The following SPICE1 variants were observed in gnomAD, a reference collection of about 807,000 sequenced individuals.
SPICE1 encodes spindle and centriole-associated protein 1.
Under a neutral mutation model 102.7 loss-of-function variants are expected in SPICE1, and 75 were observed. That is an observed-to-expected ratio of 0.73 (90% confidence interval 0.61 to 0.88). The LOEUF is 0.88. Among genes scored for constraint, SPICE1 ranks in the 40% least tolerant of loss-of-function variants. The pLI is 0.00. For synonymous variants in SPICE1, 308 were observed against 350.3 expected, an observed-to-expected ratio of 0.88 and a Z score of 1.35; for missense variants, 979 against 1,020.1, an observed-to-expected ratio of 0.96 and a Z score of 0.55.
chr3:113,497,774 C>A (rs1229993878), intron 4 of SPICE1, among the ~76,000 whole-genome samples: 1 of 140,604 alleles, frequency 7.1e-6, no homozygotes, highest in Non-Finnish European at 1.5e-5. Flanking sequence ...TGCAGTGGCA[C>A]AATCTCAGCT....
At chr3:113,509,707 G>A (rs1036078297) in intron 1 of SPICE1, among the ~76,000 whole-genome samples, 21 of 152,182 alleles carry the variant, frequency 1.4e-4, no homozygotes, top group Admixed American at 9.8e-4. Flanking sequence ...TGCTGATATG[G>A]TTTGGCTGAG....
intron 4 of SPICE1, among the ~76,000 whole-genome samples, chr3:113,497,157 A>G (rs1274842551): frequency 6.6e-6 from 1 of 152,194 alleles, no homozygotes; most frequent in Non-Finnish European, 1.5e-5. Context: ...AGTAGCATGC[A>G]CTGTTCTTCC....
At chr3:113,493,877 TGGAAA>T (rs1397513147) in intron 5 of SPICE1, among the ~76,000 whole-genome samples, 167 bp downstream of exon 5, 3 of 152,194 alleles carry the variant, frequency 2.0e-5, no homozygotes, top group Non-Finnish European at 2.9e-5. Context: ...ATATTCTTAG[TGGAAA>T]GGAAACAGAT....
At chr3:113,500,918 T>C (rs748372968) in intron 3 of SPICE1, among the ~76,000 whole-genome samples, 7 of 152,148 alleles carry the variant, frequency 4.6e-5, no homozygotes, top group Non-Finnish European at 8.8e-5. Flanking sequence ...ACAAATGATA[T>C]ACATTAGATG....
intron 11 of SPICE1, among the ~76,000 whole-genome samples, chr3:113,462,296 T>G (rs549699130): frequency 1.6e-4 from 24 of 152,224 alleles, no homozygotes; most frequent in Non-Finnish European, 1.9e-4. Context: ...CTGAGGCACC[T>G]CAGGGCACTA....
In SPICE1 at chr3:113,458,553, G is replaced by A. The variant is rs185982271; in HGVS notation, c.1436-1196C>T. On this transcript the variant is annotated intron_variant, in intron 12 of 17. Transcript: ENST00000295872. ...GGCTGGAGTGCAGTGGCGTGATTTC[G>A]GCTCGCTACAACCTCCACCTCCCAG... Among the ~76,000 whole-genome samples, 1,283 of 152,202 alleles carry A rather than the reference G, an allele frequency of 8.4e-3. 22 individuals are homozygous for A. The highest frequency in any genetic ancestry group is 0.029 in the African/African-American group (1,200 of 41,526).
At chr3:113,466,853 C>G (rs1936069985) in intron 10 of SPICE1, among the ~76,000 whole-genome samples, 1 of 152,164 alleles carries the variant, frequency 6.6e-6, no homozygotes, top group South Asian at 2.1e-4. Flanking sequence ...TCGAGACCAG[C>G]CTGGGCAACA....
Position 113,460,735 on chromosome 3 carries a change from T to G in SPICE1, c.1317A>C (p.Thr439=), listed in dbSNP as rs751640497. The G allele has an allele frequency of 6.2e-7, 1 of 1,612,334 alleles. No homozygotes were observed. Among genetic ancestry groups the G allele is most frequent in the South Asian group, 1.1e-5 (1 of 90,632 alleles). The change falls in exon 12 of 18, where the codon ACA becomes ACC. Residue 439 remains threonine, a synonymous_variant. Transcript: ENST00000295872. ...GTGTGAGTGATATCAGTTGCTCATC[T>G]GTTGTGACCATGTACTGCTGAAGTC... ...QARLQQYMVT[T]DEQLISLTHA... is the part of the protein sequence containing the mutation.
At position 113,457,301 on chromosome 3, in the gene SPICE1, C is replaced by T; in HGVS notation, c.1492G>A (p.Ala498Thr). 1 of 1,614,186 alleles carries T rather than the reference C, an allele frequency of 6.2e-7. No individual in the cohort carries two copies. Residue 498 changes from alanine (A) to threonine (T), a missense_variant, in exon 13 of 18, where the codon GCT becomes ACT. Physicochemically the swap from Ala to Thr is moderately conservative, Grantham distance 58 (BLOSUM62 0). Coordinates refer to ENST00000295872, the MANE Select transcript of SPICE1 (RefSeq NM_144718.4). ...GGCAACTCTTCCTGTGGGAATTCAG[C>T]CACTTCCTCTCTGAACATCAATGGC... is the stretch of plus-strand genomic sequence containing the variant. ...SVPLMFREEVAEFPQEELPVK... is the reference protein window; with the variant it reads ...SVPLMFREEVTEFPQEELPVK...
chr3:113,493,338 G>T (rs760198484), intron 5 of SPICE1, 26 bp from the exon 6 acceptor site: 42 of 1,576,968 alleles, frequency 2.7e-5, no homozygotes, highest in South Asian at 3.3e-5. Context: ...AAGTTGTGAT[G>T]ATTTGTTTCA....
At chr3:113,488,360 C>T (rs1179530949) in intron 7 of SPICE1, among the ~76,000 whole-genome samples, 1 of 152,118 alleles carries the variant, frequency 6.6e-6, no homozygotes, top group Admixed American at 6.5e-5. Flanking sequence ...TGCCCAACGA[C>T]CAATGAGTGG....
chr3:113,503,720 C>G (rs377711301), intron 2 of SPICE1, among the ~76,000 whole-genome samples: 1 of 151,896 alleles, frequency 6.6e-6, no homozygotes. Flanking sequence ...ACCACCTGAG[C>G]TCAGGAGTTC....
At chr3:113,470,058 G>A (rs570684402) in intron 7 of SPICE1, among the ~76,000 whole-genome samples, 11 of 152,282 alleles carry the variant, frequency 7.2e-5, no homozygotes, top group African/African-American at 2.4e-4. Context: ...AGAGCTAAGC[G>A]TTATGCTATA....
At chr3:113,471,297 T>A (rs915283273) in intron 7 of SPICE1, among the ~76,000 whole-genome samples, 1 of 152,274 alleles carries the variant, frequency 6.6e-6, no homozygotes, top group Admixed American at 6.5e-5. Context: ...CAATCACATA[T>A]TTTTTAAAAA....
At chr3:113,452,948 A>C (rs1046012410) in intron 14 of SPICE1, among the ~76,000 whole-genome samples, 1 of 152,168 alleles carries the variant, frequency 6.6e-6, no homozygotes, top group African/African-American at 2.4e-5. Flanking sequence ...ACTGCACTCC[A>C]GCTTGGGCAA....
At chr3:113,472,227 G>A (rs1267427863) in intron 7 of SPICE1, among the ~76,000 whole-genome samples, 1 of 152,260 alleles carries the variant, frequency 6.6e-6, no homozygotes, top group Non-Finnish European at 1.5e-5. Context: ...AGTGAGGCTG[G>A]GGGAGGGGCA....
At chr3:113,503,572 A>G (rs186708138) in intron 2 of SPICE1, among the ~76,000 whole-genome samples, 1 of 152,328 alleles carries the variant, frequency 6.6e-6, no homozygotes, top group East Asian at 1.9e-4. Flanking sequence ...CTAAAGTTTT[A>G]GTTTTCACAC....
intron 7 of SPICE1, among the ~76,000 whole-genome samples, chr3:113,472,391 C>T (rs879456518): frequency 1.3e-5 from 2 of 152,246 alleles, no homozygotes; most frequent in African/African-American, 2.4e-5. Flanking sequence ...GTAACCTCTA[C>T]AGACTTAAAT....
chr3:113,457,148 G>A lies in SPICE1; in HGVS notation c.1645C>T (p.Pro549Ser), dbSNP rs771630241. Residue 549 changes from proline (P) to serine (S), a missense_variant, in exon 13 of 18, where the codon CCT (proline) becomes TCT (serine). By Grantham distance (74) the Pro-to-Ser change is moderately conservative (BLOSUM62 -1). Transcript: ENST00000295872. ...PRQKSNLKFS[P>S]LQDVLRRTVQ... ...GAAGAAGACTTACCGTCCTGAAGAG[G>A]AGAGAATTTTAAGTTGCTCTTCTGC... is the stretch of plus-strand genomic sequence containing the variant. The A allele has an allele frequency of 2.5e-6, 4 of 1,613,998 alleles. No homozygotes were observed. The Admixed American group carries it at 5.0e-5, about 20-fold the overall frequency.
Sources: gnomAD v4.1 joint callset for allele counts (sites outside exome capture counted in the v4.1 genomes callset) on GRCh38, gnomAD v4.1.1 for gene constraint, MANE v1.5 for transcripts, NCBI Gene and HGNC (gene_info 2026-07-23, HGNC 2026-07-21) for gene names.